The following TIAM1 variants were observed in gnomAD, a reference collection of about 807,000 sequenced individuals.
TIAM1 encodes the protein rho guanine nucleotide exchange factor TIAM1.
In TIAM1, 65 loss-of-function variants were observed where a neutral mutation model predicts 163.5. The observed-to-expected ratio is 0.40, with a 90% CI of 0.33 to 0.49. The LOEUF is 0.49. Ranked by LOEUF, TIAM1 falls within the 20% of genes least tolerant of loss-of-function variation. The pLI is 0.77. For synonymous variants in TIAM1, 833 were observed against 810.1 expected (o/e 1.03, Z -0.48); for missense variants, 1,789 against 2,044.7 (o/e 0.87, Z 2.41).
At chr21:31,419,776 C>T (rs1263903378) in intron 2 of TIAM1, among the ~76,000 whole-genome samples, 2 of 152,162 alleles carry the variant, frequency 1.3e-5, no homozygotes, top group African/African-American at 4.8e-5. Flanking sequence ...CTAGACTGAG[C>T]GTGGTGGCTT....
chr21:31,494,751 G>A (rs1170515375), intron 1 of TIAM1, among the ~76,000 whole-genome samples: 1 of 152,162 alleles, frequency 6.6e-6, no homozygotes. Context: ...GCTGAGGCAG[G>A]AGAACTGCTT....
chr21:31,479,282 G>A (rs113414882), intron 1 of TIAM1, among the ~76,000 whole-genome samples: 4 of 152,112 alleles, frequency 2.6e-5, no homozygotes, highest in African/African-American at 9.7e-5. Flanking sequence ...TAAAATGAGA[G>A]GACTTGATTT....
At chr21:31,221,059 T>A (rs894321839) in intron 8 of TIAM1, among the ~76,000 whole-genome samples, 20 of 151,818 alleles carry the variant, frequency 1.3e-4, no homozygotes, top group African/African-American at 3.6e-4. Flanking sequence ...AGAAAAAAAA[T>A]TTCTGGACAA....
At chr21:31,399,221 T>C (rs2077124597) in intron 2 of TIAM1, among the ~76,000 whole-genome samples, 1 of 152,080 alleles carries the variant, frequency 6.6e-6, no homozygotes, top group Non-Finnish European at 1.5e-5. Flanking sequence ...CCCTGAGATA[T>C]ACTAAAATTT....
intron 15 of TIAM1, among the ~76,000 whole-genome samples, chr21:31,178,303 CTT>C (rs10671534): frequency 8.3e-5 from 8 of 96,086 alleles, no homozygotes; most frequent in African/African-American, 1.2e-4. Flanking sequence ...TTCAGGAATT[CTT>C]TTTTTTTTTT....
chr21:31,397,972 C>A (rs778176955), intron 2 of TIAM1, among the ~76,000 whole-genome samples: 1 of 152,130 alleles, frequency 6.6e-6, no homozygotes, highest in East Asian at 1.9e-4. Context: ...CTTCAGCCTG[C>A]CCCTGTGCAG....
chr21:31,520,104 G>A (rs570687670), intron 1 of TIAM1, among the ~76,000 whole-genome samples: 41 of 152,298 alleles, frequency 2.7e-4, no homozygotes, highest in South Asian at 1.2e-3. Flanking sequence ...GCTGAGGCAC[G>A]CGGAGCACCT....
intron 2 of TIAM1, among the ~76,000 whole-genome samples, chr21:31,355,080 TA>T (rs1456263279): frequency 1.3e-5 from 2 of 151,266 alleles, no homozygotes; most frequent in African/African-American, 4.9e-5. Flanking sequence ...CTTACACATA[TA>T]ACTTTCCATT....
intron 15 of TIAM1, among the ~76,000 whole-genome samples, chr21:31,165,923 A>C (rs2084192302): frequency 6.6e-6 from 1 of 152,218 alleles, no homozygotes; most frequent in Admixed American, 6.5e-5. Flanking sequence ...TCTGTGCAAA[A>C]GTGCAAGCAA....
intron 11 of TIAM1, 108 bp from the exon 12 acceptor site, chr21:31,203,120 G>A: frequency 1.1e-6 from 1 of 885,474 alleles, no homozygotes. Context: ...AGAGTTTGTT[G>A]TTGTTGTTGT....
chr21:31,440,169 A>T (rs1157295976), intron 2 of TIAM1, among the ~76,000 whole-genome samples: 1 of 152,252 alleles, frequency 6.6e-6, no homozygotes. Flanking sequence ...TGTCAGAACT[A>T]TATTCAATCG....
At chr21:31,142,210 C>A (rs1023562764) in intron 20 of TIAM1, among the ~76,000 whole-genome samples, 1 of 150,398 alleles carries the variant, frequency 6.6e-6, no homozygotes, top group African/African-American at 2.4e-5. Context: ...TCATCCGTCC[C>A]CTGAGCTGTT....
At chr21:31,229,676 A>C (rs2088288965) in intron 6 of TIAM1, among the ~76,000 whole-genome samples, 1 of 151,368 alleles carries the variant, frequency 6.6e-6, no homozygotes, top group African/African-American at 2.4e-5. Context: ...TTGAGATGGA[A>C]TCTTTCTCTG....
intron 1 of TIAM1, among the ~76,000 whole-genome samples, chr21:31,466,830 G>GGAAA (rs2045551351): frequency 6.6e-6 from 1 of 152,024 alleles, no homozygotes; most frequent in East Asian, 1.9e-4. Context: ...TACAATAAGG[G>GGAAA]GAAACTACCT....
intron 2 of TIAM1, among the ~76,000 whole-genome samples, chr21:31,374,525 C>G (rs141518185): frequency 0.013 from 1,942 of 152,272 alleles, 22 homozygotes; most frequent in South Asian, 0.021. Flanking sequence ...ATCCTCCCTC[C>G]CTGACTCCTC....
At chr21:31,222,726 T>A (rs1451720609) in intron 8 of TIAM1, among the ~76,000 whole-genome samples, 2 of 116,366 alleles carry the variant, frequency 1.7e-5, no homozygotes, top group African/African-American at 7.4e-5. Flanking sequence ...TTTTTTTTTT[T>A]TTTTTTTTTG....
chr21:31,349,739 T>C (rs2247373), intron 2 of TIAM1, among the ~76,000 whole-genome samples: 14,277 of 152,198 alleles, frequency 0.094, 1,075 homozygotes, highest in East Asian at 0.43. Flanking sequence ...GGAGGCCTCA[T>C]TGGGTCATGA....
chr21:31,287,844 A>G (rs1005670246), intron 2 of TIAM1, among the ~76,000 whole-genome samples: 1 of 152,228 alleles, frequency 6.6e-6, no homozygotes, highest in Non-Finnish European at 1.5e-5. Flanking sequence ...TACATGATCA[A>G]ACATAGTTTT....
chr21:31,534,517 A>C (rs1443923521), intron 1 of TIAM1, among the ~76,000 whole-genome samples: 2 of 152,176 alleles, frequency 1.3e-5, no homozygotes, highest in African/African-American at 4.8e-5. Flanking sequence ...TCTTTTAAAA[A>C]TACAAAAATT....
Sources: gnomAD v4.1 joint callset for allele counts (sites outside exome capture counted in the v4.1 genomes callset) on GRCh38, gnomAD v4.1.1 for gene constraint, MANE v1.5 for transcripts, NCBI Gene and HGNC (gene_info 2026-07-23, HGNC 2026-07-21) for gene names.